Variants in ZFHX4 observed in about 807,000 individuals in gnomAD.
ZFHX4 encodes zinc finger homeobox 4, also known as zinc finger homeobox protein 4.
Under a neutral mutation model 267.6 loss-of-function variants are expected in ZFHX4, and 56 were observed. The observed-to-expected ratio is 0.21, with a 90% CI of 0.17 to 0.26. The LOEUF is 0.26. ZFHX4 is among the 10% of genes least tolerant of loss of function. The pLI, the probability that ZFHX4 is intolerant of heterozygous loss-of-function variation, is 1.00. For synonymous variants in ZFHX4, 1,778 were observed against 1,665.6 expected (o/e 1.07, Z -1.64); for missense variants, 4,332 against 4,420.0 (o/e 0.98, Z 0.56).
At chr8:76,774,017 A>G (rs761694195) in intron 3 of ZFHX4, among the ~76,000 whole-genome samples, 1 of 152,168 alleles carries the variant, frequency 6.6e-6, no homozygotes, top group Non-Finnish European at 1.5e-5. Context: ...CAGACTGAAT[A>G]AAAGCACTGG....
At chr8:76,770,680 GTAC>G (rs1201723809) in intron 3 of ZFHX4, among the ~76,000 whole-genome samples, 2 of 151,764 alleles carry the variant, frequency 1.3e-5, no homozygotes, top group Non-Finnish European at 2.9e-5. Flanking sequence ...AACACACAAA[GTAC>G]AACAAGGAAA....
chr8:76,859,851 G>A (rs1248909142), intron 10 of ZFHX4, among the ~76,000 whole-genome samples: 1 of 152,056 alleles, frequency 6.6e-6, no homozygotes, highest in Non-Finnish European at 1.5e-5. Flanking sequence ...AACTACATAT[G>A]AGTGCGTTAA....
rs559255059 is a variant in ZFHX4 at position 76,802,633 on chromosome 8, C to T, written c.3325+24194C>T. 5.9e-5 allele frequency among the ~76,000 whole-genome samples: 9 copies of T among 152,258 alleles called. No individual in the cohort carries two copies. The South Asian group carries it at 1.9e-3, about 32-fold the overall frequency. On this transcript the variant is annotated intron_variant, in intron 4 of 10. Transcript: ENST00000651372. ...GGGGCATTCCCTATATGATATGGTA[C>T]AAAATGTGCCTCTGACTTAGAAAAT... is the stretch of plus-strand genomic sequence containing the variant.
At chr8:76,685,730 C>T (rs1366564147) in intron 1 of ZFHX4, among the ~76,000 whole-genome samples, 1 of 151,986 alleles carries the variant, frequency 6.6e-6, no homozygotes, top group Non-Finnish European at 1.5e-5. Context: ...AGTATTGGGG[C>T]AGAGGAGTTT....
intron 4 of ZFHX4, among the ~76,000 whole-genome samples, chr8:76,811,939 AG>A (rs1351957016): frequency 6.6e-6 from 1 of 152,208 alleles, no homozygotes; most frequent in Admixed American, 6.5e-5. Flanking sequence ...AAAATAAAAA[AG>A]TTATAGATTG....
Position 76,704,899 on chromosome 8 carries a change from G to A in ZFHX4, c.811G>A (p.Asp271Asn), listed in dbSNP as rs748055530. Residue 271 changes from aspartate (D) to asparagine (N), a missense_variant, in exon 2 of 11, where the codon GAT becomes AAT. By Grantham distance (23) the Asp-to-Asn change is conservative. Coordinates refer to ENST00000651372, the MANE Select transcript of ZFHX4 (RefSeq NM_024721.5). Reference protein sequence around the residue: ...DLSKFDGCVSDGKRKPVLMCF... With the variant: ...DLSKFDGCVSNGKRKPVLMCF... ...GTCCAAATTCGATGGTTGTGTTAGC[G>A]ATGGGAAAAGGAAACCTGTTTTAAT... is the stretch of plus-strand genomic sequence containing the variant. 6 of 1,614,042 alleles carry A rather than the reference G, an allele frequency of 3.7e-6. No individual in the cohort carries two copies. Among genetic ancestry groups the A allele is most frequent in the Non-Finnish European group, 5.1e-6 (6 of 1,180,004 alleles).
At chr8:76,769,129 C>T (rs1055675873) in intron 3 of ZFHX4, among the ~76,000 whole-genome samples, 1 of 151,900 alleles carries the variant, frequency 6.6e-6, no homozygotes, top group Non-Finnish European at 1.5e-5. Flanking sequence ...GGGCTTTTTA[C>T]TGAAGCTAAA....
chr8:76,861,196 GT>G (rs562555511), intron 10 of ZFHX4, among the ~76,000 whole-genome samples: 30 of 151,486 alleles, frequency 2.0e-4, no homozygotes, highest in Non-Finnish European at 3.4e-4. Context: ...CTTGCTGTCA[GT>G]TTTTTTCTGG....
At chr8:76,824,654 C>T (rs1261459220) in intron 4 of ZFHX4, among the ~76,000 whole-genome samples, 1 of 152,126 alleles carries the variant, frequency 6.6e-6, no homozygotes, top group Non-Finnish European at 1.5e-5. Context: ...CTCACTGCAA[C>T]CTCAAACTCC....
chr8:76,808,349 T>C (rs2131839879), intron 4 of ZFHX4, among the ~76,000 whole-genome samples: 1 of 152,212 alleles, frequency 6.6e-6, no homozygotes, highest in East Asian at 1.9e-4. Flanking sequence ...AAAAGGAAAA[T>C]AAAAGTGTAA....
chr8:76,860,572 G>A (rs1436855067), intron 10 of ZFHX4, among the ~76,000 whole-genome samples: 1 of 151,974 alleles, frequency 6.6e-6, no homozygotes, highest in Non-Finnish European at 1.5e-5. Context: ...AGATTTAGGG[G>A]GGAAATTAGG....
chr8:76,759,947 T>G (rs1431300601), intron 3 of ZFHX4, among the ~76,000 whole-genome samples: 1 of 152,206 alleles, frequency 6.6e-6, no homozygotes. Flanking sequence ...TAAGACATGT[T>G]GCTTTAAGCT....
chr8:76,740,271 AAAGG>A (rs1362732333), intron 3 of ZFHX4, among the ~76,000 whole-genome samples: 4 of 151,904 alleles, frequency 2.6e-5, no homozygotes, highest in Non-Finnish European at 5.9e-5. Context: ...GGAAGAACAA[AAAGG>A]AAGGAAGGAA....
chr8:76,863,047 G>T (rs1156912434), intron 10 of ZFHX4, 47 bp from the exon 11 acceptor site: 1 of 1,458,552 alleles, frequency 6.9e-7, no homozygotes, highest in Admixed American at 2.8e-5. Flanking sequence ...GCCTTCCGAT[G>T]TTGGTCTGTA....
chr8:76,698,756 A>G (rs1394026011), intron 1 of ZFHX4, among the ~76,000 whole-genome samples: 2 of 152,162 alleles, frequency 1.3e-5, no homozygotes, highest in Non-Finnish European at 2.9e-5. Context: ...AATTTTCTCT[A>G]CTTAAAAAAT....
At chr8:76,850,775 A>T in intron 9 of ZFHX4, 111 bp from the exon 10 acceptor site, 1 of 1,277,008 alleles carries the variant, frequency 7.8e-7, no homozygotes, top group Non-Finnish European at 1.0e-6. Flanking sequence ...ACATTTATTC[A>T]AACAATTAAT....
chr8:76,748,701 G>GT (rs550113267), intron 3 of ZFHX4, among the ~76,000 whole-genome samples: 102 of 152,246 alleles, frequency 6.7e-4, no homozygotes, highest in Non-Finnish European at 1.3e-3. Context: ...CTCTCAAAGC[G>GT]TGTCTTTTCT....
At chr8:76,797,801 A>C (rs774546986) in intron 4 of ZFHX4, among the ~76,000 whole-genome samples, 1 of 152,078 alleles carries the variant, frequency 6.6e-6, no homozygotes, top group Non-Finnish European at 1.5e-5. Context: ...TGATGTAACT[A>C]TAAGAGGTAT....
intron 6 of ZFHX4, among the ~76,000 whole-genome samples, chr8:76,845,550 C>T (rs1812342923): frequency 6.6e-6 from 1 of 151,926 alleles, no homozygotes; most frequent in Non-Finnish European, 1.5e-5. Context: ...TGAATAACAT[C>T]TGTTATATCC....
Sources: allele counts gnomAD v4.1 joint callset (sites outside exome capture counted in the v4.1 genomes callset), GRCh38; gene constraint gnomAD v4.1.1; transcripts MANE v1.5; gene names NCBI Gene and HGNC (gene_info 2026-07-23, HGNC 2026-07-21).